CUX1: variants seen among roughly 807,000 people sequenced by gnomAD.
The protein encoded by CUX1 is cut like homeobox 1.
CUX1 carries 31 observed loss-of-function variants against 158.8 expected under a neutral mutation model. The observed-to-expected ratio is 0.20, with a 90% CI of 0.15 to 0.26. CUX1 has a LOEUF of 0.26. Among genes scored for constraint, CUX1 ranks in the 10% least tolerant of loss-of-function variants. The pLI is 1.00. For missense variants in CUX1, 1,589 were observed against 2,014.6 expected, an observed-to-expected ratio of 0.79 and a Z score of 4.04; for synonymous variants, 879 against 862.1, an observed-to-expected ratio of 1.02 and a Z score of -0.34.
intron 2 of CUX1, among the ~76,000 whole-genome samples, chr7:101,933,172 C>T (rs1201492127): frequency 6.6e-6 from 1 of 152,074 alleles, no homozygotes; most frequent in Non-Finnish European, 1.5e-5. Context: ...TGCTTCTCTC[C>T]TACCGTGTCT....
intron 3 of CUX1, among the ~76,000 whole-genome samples, chr7:102,043,935 A>G (rs1339779681): frequency 6.6e-6 from 1 of 152,072 alleles, no homozygotes; most frequent in East Asian, 1.9e-4. Context: ...CAAATTTTCC[A>G]GATGATTAAA....
chr7:102,169,238 T>C (rs1345254044), intron 9 of CUX1, among the ~76,000 whole-genome samples: 1 of 152,016 alleles, frequency 6.6e-6, no homozygotes, highest in Non-Finnish European at 1.5e-5. Context: ...CAGCCAATTT[T>C]TTGTATTTTT....
chr7:102,111,293 C>T (rs1830854789), intron 6 of CUX1, among the ~76,000 whole-genome samples: 1 of 152,114 alleles, frequency 6.6e-6, no homozygotes, highest in Non-Finnish European at 1.5e-5. Context: ...TTTAGTGCAT[C>T]CTTTATTCCA....
intron 8 of CUX1, among the ~76,000 whole-genome samples, chr7:102,138,099 G>A (rs1321130079): frequency 6.6e-6 from 1 of 152,016 alleles, no homozygotes; most frequent in Non-Finnish European, 1.5e-5. Context: ...AGGGAGGATT[G>A]CTTGAGCCCA....
upstream of CUX1, chr7:101,817,467 G>T: frequency 9.3e-7 from 1 of 1,070,664 alleles, no homozygotes; most frequent in Non-Finnish European, 1.1e-6. This position sits in a 1 kb window ranked among gnomAD's most constrained non-coding sequence, Gnocchi z 4.1. Flanking sequence ...CCGGCGCCGC[G>T]GGGGGACCGT....
rs533256974 is a variant in CUX1, at chr7:101,946,237, C to T, written c.141+30012C>T. Reference sequence around the variant, plus strand: ...GGGTTTCCAGCAGGAGGGAAGATTGCGCTTAGGAAGAGAAGGGTTTGCTGG... The same window carrying T: ...GGGTTTCCAGCAGGAGGGAAGATTGTGCTTAGGAAGAGAAGGGTTTGCTGG... On this transcript the variant is annotated intron_variant, in intron 2 of 23. Coordinates refer to ENST00000292535, the MANE Select transcript of CUX1 (RefSeq NM_181552.4). Among the ~76,000 whole-genome samples the T allele has an allele frequency of 3.5e-4, 53 of 152,096 alleles. 1 individual carries two copies. Among genetic ancestry groups the T allele is most frequent in the Admixed American group, 3.1e-3 (48 of 15,278 alleles).
chr7:101,980,653 T>C (rs1334672959), intron 2 of CUX1, among the ~76,000 whole-genome samples: 1 of 152,210 alleles, frequency 6.6e-6, no homozygotes, highest in Non-Finnish European at 1.5e-5. Context: ...CGCTTCTGAC[T>C]CAGGGGAGAG....
chr7:102,127,128 C>CTGT (rs375688681), intron 8 of CUX1, among the ~76,000 whole-genome samples: 1 of 152,292 alleles, frequency 6.6e-6, no homozygotes, highest in African/African-American at 2.4e-5. Context: ...GCATCTCCTG[C>CTGT]TGTGCGGCCC....
intron 2 of CUX1, among the ~76,000 whole-genome samples, chr7:101,977,539 G>A (rs1174101236): frequency 6.6e-6 from 1 of 152,174 alleles, no homozygotes; most frequent in East Asian, 1.9e-4. Flanking sequence ...CTATTTGGGA[G>A]GGTGATGCAA....
At chr7:102,079,067 AC>A (rs1827082396) in intron 4 of CUX1, among the ~76,000 whole-genome samples, 1 of 152,170 alleles carries the variant, frequency 6.6e-6, no homozygotes, top group East Asian at 1.9e-4. Context: ...AAATTAGAAA[AC>A]ACTGTTCTTT....
At chr7:102,280,346 A>C (rs1345580219) in intron 19 of CUX1, among the ~76,000 whole-genome samples, 2 of 152,130 alleles carry the variant, frequency 1.3e-5, no homozygotes, top group Admixed American at 6.5e-5. Flanking sequence ...GCTTCAGTGC[A>C]ATGTAGGCCC....
intron 1 of CUX1, among the ~76,000 whole-genome samples, chr7:101,903,423 G>A (rs1802374777): frequency 6.6e-6 from 1 of 152,162 alleles, no homozygotes; most frequent in African/African-American, 2.4e-5. Context: ...ATTGTAGTGG[G>A]GAGCACTGCG....
chr7:102,087,223 T>A (rs1473277828), intron 4 of CUX1, among the ~76,000 whole-genome samples: 1 of 152,216 alleles, frequency 6.6e-6, no homozygotes, highest in Non-Finnish European at 1.5e-5. Context: ...CTGATTTTTT[T>A]AATGTTTTTA....
Position 102,207,980 on chromosome 7 carries a change from G to T in CUX1, c.3130+2810G>T, listed in dbSNP as rs1013619254. Among the ~76,000 whole-genome samples the T allele has an allele frequency of 3.3e-5, 5 of 152,132 alleles. No homozygotes were observed. The East Asian group carries it at 7.8e-4, about 24-fold the overall frequency. On this transcript the variant is annotated intron_variant, in intron 20 of 23. Coordinates refer to ENST00000292535, the MANE Select transcript of CUX1 (RefSeq NM_181552.4). ...AGGCAGACAGATCACCTGAACTTAGGAGTTCGAGACCAGCCTGGGCAACAT... is the reference window on the plus strand; with the variant it reads ...AGGCAGACAGATCACCTGAACTTAGTAGTTCGAGACCAGCCTGGGCAACAT...
In CUX1 at chr7:102,096,398, A is replaced by G. The variant is rs557681628; in HGVS notation, c.269-966A>G. ...CTTTCCTCTGCTTCACCTCTGCTTC[A>G]TTCTTTACCTTGTTGTAAAGAATGG... On this transcript the variant is annotated intron_variant, in intron 4 of 23. Transcript: ENST00000292535. Among the ~76,000 whole-genome samples, 11 of 152,322 alleles carry G rather than the reference A, an allele frequency of 7.2e-5. No homozygotes were observed. The East Asian group carries it at 2.1e-3, about 29-fold the overall frequency.
At chr7:102,160,254 G>A (rs571949800) in intron 9 of CUX1, among the ~76,000 whole-genome samples, 9 of 151,634 alleles carry the variant, frequency 5.9e-5, no homozygotes, top group Admixed American at 2.0e-4. Flanking sequence ...AGTTTCCACC[G>A]ACTCCACCTC....
chr7:102,232,253 G>A (rs1218848124), intron 21 of CUX1, among the ~76,000 whole-genome samples: 1 of 152,148 alleles, frequency 6.6e-6, no homozygotes, highest in African/African-American at 2.4e-5. Context: ...TGCTGAGGTA[G>A]AACAATTGCT....
chr7:102,274,460 G>A, intron 16 of CUX1: 1 of 636,998 alleles, frequency 1.6e-6, no homozygotes, highest in African/African-American at 1.8e-5. Context: ...CCTTCAAAGG[G>A]TCGGGTAAGG....
At chr7:101,829,080 C>T (rs568491846) in intron 1 of CUX1, among the ~76,000 whole-genome samples, 14 of 152,082 alleles carry the variant, frequency 9.2e-5, no homozygotes, top group East Asian at 1.9e-4. Context: ...GTTTGAAGCC[C>T]GGGGAGGATT....
Sources: allele counts gnomAD v4.1 joint callset (sites outside exome capture counted in the v4.1 genomes callset), GRCh38; gene constraint gnomAD v4.1.1; non-coding constraint Gnocchi (gnomAD v3.1); transcripts MANE v1.5; gene names NCBI Gene and HGNC (gene_info 2026-07-23, HGNC 2026-07-21).